TRPS1: variants seen among roughly 807,000 people sequenced by gnomAD.
TRPS1 encodes zinc finger transcription factor Trps1.
Under a neutral mutation model 101.2 loss-of-function variants are expected in TRPS1, and 6 were observed. The ratio of observed to expected loss-of-function variants is 0.06; its 90% CI spans 0.03 to 0.12. The LOEUF is 0.12. Among genes scored for constraint, TRPS1 ranks in the 10% least tolerant of loss-of-function variants. The pLI, the probability that TRPS1 is intolerant of heterozygous loss-of-function variation, is 1.00. For synonymous variants in TRPS1, 578 were observed against 589.8 expected (o/e 0.98, Z 0.29); for missense variants, 1,363 against 1,567.0 (o/e 0.87, Z 2.20).
At chr8:115,569,081 A>C (rs1817139662) in intron 5 of TRPS1, among the ~76,000 whole-genome samples, 1 of 152,162 alleles carries the variant, frequency 6.6e-6, no homozygotes, top group Non-Finnish European at 1.5e-5. Context: ...AGATGACTGA[A>C]GGAGTTACAT....
intron 5 of TRPS1, among the ~76,000 whole-genome samples, chr8:115,509,902 G>C (rs914173212): frequency 6.6e-6 from 1 of 151,924 alleles, no homozygotes; most frequent in Non-Finnish European, 1.5e-5. Flanking sequence ...TTCTTCAACA[G>C]GTTTCCAGAG....
At chr8:115,488,865 A>G (rs369243506) in intron 5 of TRPS1, among the ~76,000 whole-genome samples, 4 of 152,204 alleles carry the variant, frequency 2.6e-5, no homozygotes, top group African/African-American at 9.7e-5. Flanking sequence ...CAGCTCATAT[A>G]AACAGTGACA....
chr8:115,424,954 C>T (rs1353368734), intron 5 of TRPS1, among the ~76,000 whole-genome samples: 1 of 152,022 alleles, frequency 6.6e-6, no homozygotes, highest in East Asian at 1.9e-4. Context: ...AGGCCATGTC[C>T]CTCCCCTCTT....
chr8:115,610,892 G>A (rs868742794), intron 3 of TRPS1, among the ~76,000 whole-genome samples: 75 of 152,132 alleles, frequency 4.9e-4, no homozygotes, highest in African/African-American at 1.5e-3. Context: ...CAAGGCGGGC[G>A]GATCACCTGA....
intron 5 of TRPS1, among the ~76,000 whole-genome samples, chr8:115,498,292 C>T (rs1381806049): frequency 1.3e-5 from 2 of 150,906 alleles, no homozygotes; most frequent in Non-Finnish European, 3.0e-5. Flanking sequence ...GTGGGAGCAT[C>T]GCCTGAGCCT....
chr8:115,540,552 T>C (rs1026425753), intron 5 of TRPS1, among the ~76,000 whole-genome samples: 17 of 152,118 alleles, frequency 1.1e-4, no homozygotes, highest in Admixed American at 2.0e-4. Flanking sequence ...ATCTTATCAG[T>C]TGACTGATCA....
At chr8:115,419,609 C>T (rs941537693) in intron 5 of TRPS1, among the ~76,000 whole-genome samples, 2 of 152,124 alleles carry the variant, frequency 1.3e-5, no homozygotes, top group Non-Finnish European at 2.9e-5. Context: ...AGTGGTATCC[C>T]TGCCAAGAAA....
chr8:115,422,454 C>T (rs1171496574), intron 5 of TRPS1, among the ~76,000 whole-genome samples: 1 of 152,024 alleles, frequency 6.6e-6, no homozygotes, highest in Non-Finnish European at 1.5e-5. Context: ...GCCACCTCCG[C>T]CTCCCGGGTT....
At chr8:115,498,397 C>CTCTCTCTCTCTG (rs1815207559) in intron 5 of TRPS1, among the ~76,000 whole-genome samples, 1 of 80,980 alleles carries the variant, frequency 1.2e-5, no homozygotes, top group Non-Finnish European at 2.3e-5. Flanking sequence ...CTCTCTCTCT[C>CTCTCTCTCTCTG]TCTCTCTCTC....
intron 5 of TRPS1, among the ~76,000 whole-genome samples, chr8:115,502,154 C>A (rs377379629): frequency 6.6e-6 from 1 of 152,028 alleles, no homozygotes; most frequent in South Asian, 2.1e-4. Flanking sequence ...AGATTTGAAT[C>A]GCCTTTTTTT....
chr8:115,525,780 C>T (rs932234454), intron 5 of TRPS1, among the ~76,000 whole-genome samples: 18 of 152,162 alleles, frequency 1.2e-4, no homozygotes, highest in African/African-American at 4.3e-4. Context: ...TTGGACAGCA[C>T]ATACTATAGA....
chr8:115,442,567 G>GTGTA (rs1813627247), intron 5 of TRPS1, among the ~76,000 whole-genome samples: 1 of 151,808 alleles, frequency 6.6e-6, no homozygotes, highest in Non-Finnish European at 1.5e-5. Context: ...GTGTGTGTGT[G>GTGTA]TGTGTGTGTG....
At position 115,619,767 on chromosome 8, in the gene TRPS1, G is replaced by C; in HGVS notation, c.331C>G (p.Pro111Ala). Residue 111 changes from proline to alanine, a missense_variant, in exon 3 of 7, where the codon CCC becomes GCC. Pro to Ala is a conservative substitution (Grantham distance 27). This residue lies in a region of TRPS1 where 1,020 missense variants were observed against 1,073.0 expected (regional missense o/e 0.95). Coordinates refer to ENST00000395715, the MANE Select transcript of TRPS1 (RefSeq NM_014112.5). The stretch of plus-strand genomic sequence containing the variant: ...GTCACCTCATCATGCGGAAAGGAGG[G>C]AAAGTTTCCTCCCTTACTGGGGCTT... ...YESPSKGGNF[P>A]SFPHDEVTDR... The C allele has an allele frequency of 1.9e-6, 3 of 1,614,190 alleles. No individual in the cohort carries two copies. Among genetic ancestry groups the C allele is most frequent in the Non-Finnish European group, 2.5e-6 (3 of 1,180,028 alleles).
At chr8:115,556,620 C>A (rs12056880) in intron 5 of TRPS1, among the ~76,000 whole-genome samples, 1 of 152,268 alleles carries the variant, frequency 6.6e-6, no homozygotes, top group East Asian at 1.9e-4. Context: ...ACAAAACAGA[C>A]TGCATGTTTC....
chr8:115,564,687 C>T (rs998692381), intron 5 of TRPS1, among the ~76,000 whole-genome samples: 3 of 152,086 alleles, frequency 2.0e-5, no homozygotes, highest in Non-Finnish European at 2.9e-5. Flanking sequence ...ATGCTGAATT[C>T]AACCAACCCC....
chr8:115,499,950 TCTTTCTTTCTTTC>T (rs1815265529), intron 5 of TRPS1, among the ~76,000 whole-genome samples: 1 of 54,044 alleles, frequency 1.9e-5, no homozygotes, highest in African/African-American at 6.4e-5. Context: ...TTTCTTTCTT[TCTTTCTTTCTTTC>T]TTTTCTTTTC....
rs187385053 is a variant in TRPS1 at position 115,612,569 on chromosome 8, T to A, written c.966+6563A>T. Among the ~76,000 whole-genome samples the A allele has an allele frequency of 2.0e-5, 3 of 152,288 alleles. No individual in the cohort carries two copies. The East Asian group carries it at 5.8e-4, about 29-fold the overall frequency. Reference sequence around the variant, plus strand: ...ACTTTTACATATGTTGACTTTGAAGTGCCAATGAATTCCAAGGTGGAGCTT... The same window carrying A: ...ACTTTTACATATGTTGACTTTGAAGAGCCAATGAATTCCAAGGTGGAGCTT... On this transcript the variant is annotated intron_variant, in intron 3 of 6. Transcript: ENST00000395715.
At chr8:115,555,007 T>C (rs1266211686) in intron 5 of TRPS1, among the ~76,000 whole-genome samples, 1 of 152,170 alleles carries the variant, frequency 6.6e-6, no homozygotes, top group Non-Finnish European at 1.5e-5. Context: ...TGAGGGACTC[T>C]CTTTCTACTT....
intron 5 of TRPS1, among the ~76,000 whole-genome samples, chr8:115,489,530 T>C (rs1814969179): frequency 6.6e-6 from 1 of 152,222 alleles, no homozygotes; most frequent in South Asian, 2.1e-4. Context: ...GTTGGATTTT[T>C]AAACATTAAT....
Sources: gnomAD v4.1 joint callset for allele counts (sites outside exome capture counted in the v4.1 genomes callset) on GRCh38, gnomAD v4.1.1 for gene constraint, gnomAD v4.1.1 regional missense constraint, MANE v1.5 for transcripts, NCBI Gene and HGNC (gene_info 2026-07-23, HGNC 2026-07-21) for gene names.